IL34: variants seen among roughly 807,000 people sequenced by gnomAD.
IL34 encodes the protein interleukin 34.
IL34 carries 17 observed loss-of-function variants against 25.3 expected under a neutral mutation model. The observed-to-expected ratio is 0.67, with a 90% CI of 0.46 to 1.01. The LOEUF (loss-of-function observed/expected upper bound fraction) is 1.01. IL34 is among the 50% of genes least tolerant of loss of function. The pLI is 0.00. For synonymous variants in IL34, 174 were observed against 140.9 expected (o/e 1.23, Z -1.66); for missense variants, 368 against 312.9 (o/e 1.18, Z -1.33).
intron 2 of IL34, among the ~76,000 whole-genome samples, chr16:70,655,506 G>A (rs2052194981): frequency 6.6e-6 from 1 of 151,830 alleles, no homozygotes; most frequent in African/African-American, 2.4e-5. Flanking sequence ...TCCCACCTCA[G>A]CCTCCCAAGT....
At position 70,601,372 on chromosome 16, in the gene IL34, G is replaced by C. The variant is rs1478847412; in HGVS notation, c.-401+21323G>C. 4.6e-5 allele frequency among the ~76,000 whole-genome samples: 7 copies of C among 152,098 alleles called. No homozygotes were observed. In the East Asian group the frequency reaches 7.7e-4, roughly 17 times the overall value. ...TCCTCCCACCTCGGCCTTCCAAAGT[G>C]CTGGGATTACAGGTGTGCCCCACCA... On this transcript the variant is annotated intron_variant, in intron 1 of 6. Transcript: ENST00000429149.
chr16:70,644,948 AGG>A (rs1213634550), upstream of IL34, among the ~76,000 whole-genome samples: 11 of 88,886 alleles, frequency 1.2e-4, no homozygotes, highest in African/African-American at 1.1e-3. Flanking sequence ...AGGAGGAAGG[AGG>A]AAGAGGAGGA....
chr16:70,627,367 G>GC (rs1194778175), intron 1 of IL34, among the ~76,000 whole-genome samples: 1 of 151,580 alleles, frequency 6.6e-6, no homozygotes, highest in Non-Finnish European at 1.5e-5. Context: ...GCGTGTAGAA[G>GC]CCCCCCACCA....
chr16:70,607,591 C>A (rs1029471123), intron 1 of IL34, among the ~76,000 whole-genome samples: 2 of 152,108 alleles, frequency 1.3e-5, no homozygotes, highest in Non-Finnish European at 2.9e-5. Flanking sequence ...GGAGAGCAAG[C>A]CTAAGTCTTT....
chr16:70,611,106 G>A (rs1326395334), intron 1 of IL34, among the ~76,000 whole-genome samples: 4 of 152,314 alleles, frequency 2.6e-5, no homozygotes, highest in South Asian at 4.1e-4. Context: ...AGCCTCCTGA[G>A]TAGCCGAGAC....
At chr16:70,623,985 A>G (rs1041801875) in intron 1 of IL34, among the ~76,000 whole-genome samples, 7 of 148,314 alleles carry the variant, frequency 4.7e-5, no homozygotes, top group African/African-American at 1.5e-4. Flanking sequence ...TTCCACTGTG[A>G]GAGTTACTCG....
chr16:70,612,820 C>G (rs1454610524), intron 1 of IL34, among the ~76,000 whole-genome samples: 1 of 152,202 alleles, frequency 6.6e-6, no homozygotes, highest in Non-Finnish European at 1.5e-5. Context: ...GAGTCTCACT[C>G]TATTGCCCAG....
chr16:70,624,566 G>A (rs575137226), intron 1 of IL34, among the ~76,000 whole-genome samples: 2 of 152,294 alleles, frequency 1.3e-5, no homozygotes, highest in East Asian at 3.9e-4. Context: ...AGCCAAACAA[G>A]TCATGAACTG....
Position 70,612,484 on chromosome 16 carries a change from G to A in IL34, c.-401+32435G>A, listed in dbSNP as rs143893619. On this transcript the variant is annotated intron_variant, in intron 1 of 6. Transcript: ENST00000429149. ...GATCTCAGGTAAGGCCCACTCTGCC[G>A]TAATTACTCCAGAGACTTTAGTTTC... Among the ~76,000 whole-genome samples, 406 of 152,320 alleles carry A rather than the reference G, an allele frequency of 2.7e-3. 4 individuals carry two copies. The highest frequency in any genetic ancestry group is 8.9e-3 in the African/African-American group (370 of 41,564).
In IL34 at chr16:70,654,546, A is replaced by G. The variant is rs773805444; in HGVS notation, c.37A>G (p.Ile13Val). Residue 13 changes from isoleucine to valine, a missense_variant, in exon 2 of 6, where the codon ATC (isoleucine) becomes GTC (valine). Ile to Val is a conservative substitution (Grantham distance 29). Coordinates refer to ENST00000288098, the MANE Select transcript of IL34 (RefSeq NM_001393494.1). ...RGFTWLRYLG[I>V]FLGVALGNEP... ...TCGGGTGTGGTCCACAGATCTTGGG[A>G]TCTTCCTTGGCGTGGCCTTGGGGAA... 3 of 1,609,648 alleles carry G rather than the reference A, an allele frequency of 1.9e-6. No individual in the cohort carries two copies. Among genetic ancestry groups the G allele is most frequent in the South Asian group, 2.2e-5 (2 of 90,778 alleles).
At chr16:70,582,376 C>T (rs2050645252) in intron 1 of IL34, among the ~76,000 whole-genome samples, 1 of 152,218 alleles carries the variant, frequency 6.6e-6, no homozygotes, top group African/African-American at 2.4e-5. Flanking sequence ...TCTGTGGGTT[C>T]ACCTGCCCAG....
At chr16:70,632,292 G>A (rs1041758371) in intron 1 of IL34, among the ~76,000 whole-genome samples, 1 of 152,110 alleles carries the variant, frequency 6.6e-6, no homozygotes, top group Non-Finnish European at 1.5e-5. Flanking sequence ...TCTGACCTTC[G>A]CTGACCCTAA....
intron 1 of IL34, among the ~76,000 whole-genome samples, chr16:70,621,270 C>G (rs929224536): frequency 6.6e-6 from 1 of 152,116 alleles, no homozygotes; most frequent in African/African-American, 2.4e-5. Flanking sequence ...TGATTAAACA[C>G]CAAGGGAAGG....
At position 70,614,183 on chromosome 16, in the gene IL34, C is replaced by CAAAAA. The variant is rs35356831; in HGVS notation, c.-400-32354_-400-32350dup. On this transcript the variant is annotated intron_variant, in intron 1 of 6. Coordinates refer to the IL34 transcript ENST00000429149. ...TGGGCAATGGAGCAAAACCCTGTCT[C>CAAAAA]AAAAAAAAAAAAAAAGAAGTGCAGT... 5.4e-4 allele frequency among the ~76,000 whole-genome samples: 71 copies of CAAAAA among 131,128 alleles called. 1 individual carries two copies. The highest frequency in any genetic ancestry group is 6.4e-4 in the African/African-American group (23 of 35,762). The allele number at this position is 131,128 out of a possible 152,430, so 86.0% of individuals were successfully genotyped here. A position where few individuals can be genotyped will look rare whatever the true frequency, so the allele number is the denominator to read the frequency against.
At chr16:70,635,365 C>T (rs7191249) in intron 1 of IL34, among the ~76,000 whole-genome samples, 50,421 of 152,090 alleles carry the variant, frequency 0.33, 8,506 homozygotes, top group South Asian at 0.47. Flanking sequence ...TGCAGCCTAC[C>T]CTGCTAGTTT....
At chr16:70,624,276 T>C (rs60890390) in intron 1 of IL34, among the ~76,000 whole-genome samples, 6,868 of 150,270 alleles carry the variant, frequency 0.046, 634 homozygotes, top group African/African-American at 0.16. Flanking sequence ...TCTGGAGGAA[T>C]ACCTGGCTGC....
intron 1 of IL34, among the ~76,000 whole-genome samples, chr16:70,618,086 G>A (rs1263066956): frequency 1.3e-5 from 2 of 152,300 alleles, no homozygotes; most frequent in Admixed American, 6.5e-5. Flanking sequence ...ATAGCAGATG[G>A]AACACTGAGA....
chr16:70,586,858 G>A (rs1035246674), intron 1 of IL34, among the ~76,000 whole-genome samples: 1 of 152,240 alleles, frequency 6.6e-6, no homozygotes, highest in Admixed American at 6.5e-5. Context: ...GCAGTGATGA[G>A]ATGTGACCCC....
At chr16:70,644,357 C>A (rs563704851), upstream of IL34, among the ~76,000 whole-genome samples, 2 of 152,162 alleles carry the variant, frequency 1.3e-5, no homozygotes, top group Non-Finnish European at 2.9e-5. Flanking sequence ...TGAGACACTG[C>A]ACCCAGCCAG....
Sources: gnomAD v4.1 joint callset for allele counts (sites outside exome capture counted in the v4.1 genomes callset) on GRCh38, gnomAD v4.1.1 for gene constraint, MANE v1.5 for transcripts, NCBI Gene and HGNC (gene_info 2026-07-23, HGNC 2026-07-21) for gene names.